The following PPP2R2C variants were observed in gnomAD, a reference collection of about 807,000 sequenced individuals.
PPP2R2C encodes protein phosphatase 2 regulatory subunit Bgamma, also known as protein phosphatase 2, regulatory subunit B, gamma.
In PPP2R2C, 10 loss-of-function variants were observed where a neutral mutation model predicts 45.3. That is an observed-to-expected ratio of 0.22 (90% CI 0.14 to 0.37). PPP2R2C has a LOEUF of 0.37. Among genes scored for constraint, PPP2R2C ranks in the 10% least tolerant of loss-of-function variants. PPP2R2C has a pLI of 1.00. For missense variants in PPP2R2C, 308 were observed against 619.7 expected, an observed-to-expected ratio of 0.50 and a Z score of 5.34; for synonymous variants, 257 against 245.4, an observed-to-expected ratio of 1.05 and a Z score of -0.44.
intron 1 of PPP2R2C, among the ~76,000 whole-genome samples, chr4:6,391,999 C>T (rs1033164947): frequency 6.6e-6 from 1 of 152,122 alleles, no homozygotes. Flanking sequence ...AGCTTGTGAC[C>T]GACACACAGG....
intron 2 of PPP2R2C, among the ~76,000 whole-genome samples, chr4:6,511,008 A>T (rs1320454233): frequency 1.3e-5 from 2 of 150,378 alleles, no homozygotes; most frequent in Non-Finnish European, 2.9e-5. Context: ...CAAAAAAAAA[A>T]ACAGAAAATG....
chr4:6,367,143 C>T (rs1955338590), intron 5 of PPP2R2C, among the ~76,000 whole-genome samples: 1 of 151,990 alleles, frequency 6.6e-6, no homozygotes, highest in Non-Finnish European at 1.5e-5. Context: ...ACCAGGCTCC[C>T]TCCCTCCAGC....
intron 2 of PPP2R2C, 85 bp downstream of exon 2, chr4:6,380,897 CCCTTATCCCCCTTAT>C: frequency 1.4e-6 from 2 of 1,429,982 alleles, no homozygotes; most frequent in Non-Finnish European, 1.8e-6. Context: ...ACCGCATCAC[CCCTTATCCCCCTTAT>C]CCTTATCCCC....
chr4:6,352,621 C>T (rs1200073573), intron 5 of PPP2R2C, among the ~76,000 whole-genome samples: 2 of 152,150 alleles, frequency 1.3e-5, no homozygotes, highest in Non-Finnish European at 2.9e-5. Flanking sequence ...GTTTGTCAGA[C>T]ACAGGTAGGA....
chr4:6,323,143 G>C lies in PPP2R2C; in HGVS notation c.*159C>G, dbSNP rs2109143228. ...ATTCTGGCCTAGGAAAGCTGGGGCA[G>C]GGAGGGGGCCCAAACTTCCTGTGTC... On this transcript the variant is annotated 3_prime_UTR_variant, in exon 9 of 9. Coordinates refer to ENST00000382599, the MANE Select transcript of PPP2R2C (RefSeq NM_020416.4). 1 of 796,344 alleles carries C rather than the reference G, an allele frequency of 1.3e-6. No individual in the cohort carries two copies. The highest frequency in any genetic ancestry group is 3.5e-5 in the Admixed American group (1 of 28,972). 49.3% of individuals were successfully genotyped at this position (796,344 alleles called of 1,614,324 possible).
chr4:6,425,997 A>G (rs960646847), intron 1 of PPP2R2C, among the ~76,000 whole-genome samples: 1 of 151,962 alleles, frequency 6.6e-6, no homozygotes, highest in Non-Finnish European at 1.5e-5. Context: ...GGGCGGGATG[A>G]GCCTGTTCCT....
intron 4 of PPP2R2C, among the ~76,000 whole-genome samples, chr4:6,373,055 A>G (rs777712122): frequency 1.3e-5 from 2 of 152,246 alleles, no homozygotes; most frequent in Admixed American, 1.3e-4. Context: ...ACTGGGAAAC[A>G]GCTGTCTACA....
chr4:6,408,941 T>C (rs1465045018), intron 1 of PPP2R2C, among the ~76,000 whole-genome samples: 3 of 152,000 alleles, frequency 2.0e-5, no homozygotes, highest in African/African-American at 7.3e-5. Flanking sequence ...TTGTTGATTT[T>C]TTTAAACATT....
chr4:6,489,426 C>G (rs1001223443), intron 2 of PPP2R2C, among the ~76,000 whole-genome samples: 2 of 152,130 alleles, frequency 1.3e-5, no homozygotes, highest in Non-Finnish European at 2.9e-5. Context: ...CCTATTCCTC[C>G]TCATGCAGAG....
chr4:6,458,909 C>T (rs1189331156), intron 1 of PPP2R2C, among the ~76,000 whole-genome samples: 8 of 152,068 alleles, frequency 5.3e-5, no homozygotes, highest in Admixed American at 3.9e-4. Context: ...TTGACCCAGG[C>T]TAACACAAGC....
chr4:6,392,193 A>G (rs1280848353), intron 1 of PPP2R2C, among the ~76,000 whole-genome samples: 1 of 152,200 alleles, frequency 6.6e-6, no homozygotes, highest in East Asian at 1.9e-4. Context: ...AATGGTTCAG[A>G]TGGTAAATTC....
At chr4:6,369,269 C>A (rs991244944) in intron 5 of PPP2R2C, among the ~76,000 whole-genome samples, 1 of 152,200 alleles carries the variant, frequency 6.6e-6, no homozygotes, top group Non-Finnish European at 1.5e-5. Flanking sequence ...TGGTGGCTGC[C>A]GCCCCATGAG....
At chr4:6,403,588 G>C (rs1717591472) in intron 1 of PPP2R2C, among the ~76,000 whole-genome samples, 1 of 152,138 alleles carries the variant, frequency 6.6e-6, no homozygotes, top group Non-Finnish European at 1.5e-5. Context: ...ACTGACATGA[G>C]TATTTAGTTG....
chr4:6,402,177 G>A (rs1308645660), intron 1 of PPP2R2C, among the ~76,000 whole-genome samples: 3 of 152,204 alleles, frequency 2.0e-5, no homozygotes, highest in Non-Finnish European at 2.9e-5. Context: ...AAGTTTCGAA[G>A]GCAAAGGTGC....
intron 6 of PPP2R2C, 88 bp downstream of exon 6, chr4:6,347,758 A>G: frequency 7.0e-7 from 1 of 1,437,406 alleles, no homozygotes; most frequent in Non-Finnish European, 9.3e-7. Context: ...CACACCCACC[A>G]CCCCTGCAGC....
chr4:6,334,239 T>C (rs4484373), intron 6 of PPP2R2C, among the ~76,000 whole-genome samples: 144,921 of 152,204 alleles, frequency 0.95, 69,238 homozygotes, highest in Non-Finnish European at 0.98. Flanking sequence ...GAGCCCTACT[T>C]ATAGGTGGGT....
intron 1 of PPP2R2C, among the ~76,000 whole-genome samples, chr4:6,559,642 G>A (rs1725513923): frequency 6.6e-6 from 1 of 151,700 alleles, no homozygotes; most frequent in Admixed American, 6.6e-5. Context: ...GAGATATGAG[G>A]AGCCGGGCCC....
At chr4:6,498,261 C>T (rs775046073) in intron 2 of PPP2R2C, among the ~76,000 whole-genome samples, 7 of 152,334 alleles carry the variant, frequency 4.6e-5, no homozygotes, top group Middle Eastern at 3.4e-3. Flanking sequence ...AAAATCTTTG[C>T]GCAGCTCAAC....
intron 6 of PPP2R2C, among the ~76,000 whole-genome samples, chr4:6,339,576 C>G (rs190259377): frequency 1.8e-3 from 275 of 152,370 alleles, no homozygotes; most frequent in Non-Finnish European, 3.0e-3. Flanking sequence ...CGACACTCCT[C>G]TGGGGCTGGG....
Sources: gnomAD v4.1 joint callset for allele counts (sites outside exome capture counted in the v4.1 genomes callset) on GRCh38, gnomAD v4.1.1 for gene constraint, MANE v1.5 for transcripts, NCBI Gene and HGNC (gene_info 2026-07-23, HGNC 2026-07-21) for gene names.